Variants in EXOC4 observed in about 807,000 individuals in gnomAD.
The protein encoded by EXOC4 is SEC8-like 1.
EXOC4 carries 71 observed loss-of-function variants against 107.2 expected under a neutral mutation model. The ratio of observed to expected loss-of-function variants is 0.66; its 90% CI spans 0.55 to 0.81. EXOC4 has a LOEUF of 0.81. Among genes scored for constraint, EXOC4 ranks in the 30% least tolerant of loss-of-function variants. The pLI is 0.00. For synonymous variants in EXOC4, 456 were observed against 441.2 expected (o/e 1.03, Z -0.42); for missense variants, 1,108 against 1,189.6 (o/e 0.93, Z 1.01).
At chr7:133,551,899 T>A (rs1800596317) in intron 9 of EXOC4, 1 of 152,162 alleles carries the variant, frequency 6.6e-6, no homozygotes, top group African/African-American at 2.4e-5. Flanking sequence ...AGTGTTTCTA[T>A]CACCTCATTA....
chr7:133,470,505 C>T (rs370857251), intron 7 of EXOC4, among the ~76,000 whole-genome samples: 3 of 152,110 alleles, frequency 2.0e-5, no homozygotes, highest in South Asian at 2.1e-4. Flanking sequence ...AGCCATTCAA[C>T]GTAATAGGTC....
At chr7:133,926,938 CTTAAG>C (rs1800065323) in intron 13 of EXOC4, among the ~76,000 whole-genome samples, 1 of 151,950 alleles carries the variant, frequency 6.6e-6, no homozygotes, top group African/African-American at 2.4e-5. Flanking sequence ...GATGGTTGAT[CTTAAG>C]TTATTATTTG....
At chr7:133,896,402 ATAC>A (rs1176018543) in intron 12 of EXOC4, among the ~76,000 whole-genome samples, 1 of 152,234 alleles carries the variant, frequency 6.6e-6, no homozygotes, top group East Asian at 1.9e-4. Context: ...GTATAATAAA[ATAC>A]TAAATTATAT....
At chr7:133,847,009 A>G (rs1184591442) in intron 11 of EXOC4, among the ~76,000 whole-genome samples, 1 of 152,250 alleles carries the variant, frequency 6.6e-6, no homozygotes, top group Non-Finnish European at 1.5e-5. Context: ...AACATTCTAT[A>G]GACTTAAAAA....
chr7:133,587,132 C>T (rs746067776), intron 9 of EXOC4, among the ~76,000 whole-genome samples: 7 of 152,124 alleles, frequency 4.6e-5, no homozygotes, highest in Non-Finnish European at 8.8e-5. Context: ...CCATGCCTGG[C>T]CCTGATCCCA....
intron 12 of EXOC4, among the ~76,000 whole-genome samples, chr7:133,913,690 C>T (rs1799745488): frequency 6.6e-6 from 1 of 152,108 alleles, no homozygotes; most frequent in Non-Finnish European, 1.5e-5. Context: ...CTCATTTTAA[C>T]TTGAAATGCA....
rs184524517 is a variant in EXOC4, at chr7:133,548,252, T to C, written c.1417+68114T>C. Among the ~76,000 whole-genome samples the C allele has an allele frequency of 9.3e-4, 141 of 152,218 alleles. 1 individual carries two copies. Among genetic ancestry groups the C allele is most frequent in the African/African-American group, 3.2e-3 (132 of 41,548 alleles). Reference sequence around the variant, plus strand: ...GTCCGTTCAAATTTTGTCATGAGATTGCAGCAATTTAGTCCATCTTTCGGC... The same window carrying C: ...GTCCGTTCAAATTTTGTCATGAGATCGCAGCAATTTAGTCCATCTTTCGGC... On this transcript the variant is annotated intron_variant, in intron 9 of 17. Transcript: ENST00000253861.
chr7:133,458,243 G>A (rs1798508976), intron 7 of EXOC4, among the ~76,000 whole-genome samples: 1 of 152,168 alleles, frequency 6.6e-6, no homozygotes, highest in African/African-American at 2.4e-5. Flanking sequence ...ATTAGAGCTG[G>A]AATAAGGACC....
intron 9 of EXOC4, among the ~76,000 whole-genome samples, chr7:133,545,846 G>A (rs1800470048): frequency 6.6e-6 from 1 of 152,168 alleles, no homozygotes; most frequent in Non-Finnish European, 1.5e-5. Flanking sequence ...ACATGAGGAT[G>A]GTTGGCATGT....
chr7:133,937,055 G>C (rs550900686), intron 13 of EXOC4, among the ~76,000 whole-genome samples: 13 of 152,292 alleles, frequency 8.5e-5, no homozygotes, highest in South Asian at 4.1e-4. Context: ...TGCCACTCAT[G>C]TGTCATGTAG....
chr7:133,364,369 G>C (rs139433566), intron 6 of EXOC4, among the ~76,000 whole-genome samples: 2 of 151,184 alleles, frequency 1.3e-5, no homozygotes, highest in Middle Eastern at 3.4e-3. Flanking sequence ...TTGAACTCCC[G>C]GTCTCAAGAG....
At chr7:133,463,702 T>A (rs113966655) in intron 7 of EXOC4, among the ~76,000 whole-genome samples, 1 of 152,082 alleles carries the variant, frequency 6.6e-6, no homozygotes, top group Non-Finnish European at 1.5e-5. Context: ...ATCAAACTCA[T>A]TGAAGTGAAA....
intron 11 of EXOC4, among the ~76,000 whole-genome samples, chr7:133,859,487 G>T (rs984763440): frequency 6.6e-6 from 1 of 152,126 alleles, no homozygotes; most frequent in African/African-American, 2.4e-5. Context: ...CTGCTGCAGC[G>T]CCTGGCTTTC....
At chr7:133,439,966 C>T (rs1301985842) in intron 7 of EXOC4, among the ~76,000 whole-genome samples, 1 of 152,128 alleles carries the variant, frequency 6.6e-6, no homozygotes, top group African/African-American at 2.4e-5. Context: ...GAGCACATTG[C>T]TTATTGTGAG....
chr7:133,682,976 GT>G (rs1423785377), intron 10 of EXOC4, among the ~76,000 whole-genome samples: 3 of 152,128 alleles, frequency 2.0e-5, no homozygotes, highest in African/African-American at 7.2e-5. Context: ...AAACAAGTTG[GT>G]TTTCTGATCT....
At chr7:133,645,208 C>T (rs957454489) in intron 10 of EXOC4, among the ~76,000 whole-genome samples, 2 of 151,722 alleles carry the variant, frequency 1.3e-5, no homozygotes, top group African/African-American at 4.8e-5. Context: ...TCTCCTGCCT[C>T]AGCCTCCCAA....
intron 14 of EXOC4, among the ~76,000 whole-genome samples, chr7:133,980,876 G>T (rs967326586): frequency 4.6e-5 from 7 of 152,158 alleles, no homozygotes; most frequent in African/African-American, 1.7e-4. Context: ...AACGTATAAA[G>T]ACAGAAATAT....
intron 9 of EXOC4, among the ~76,000 whole-genome samples, chr7:133,490,009 GAAGA>G (rs1031508419): frequency 3.3e-5 from 5 of 152,158 alleles, no homozygotes; most frequent in African/African-American, 1.2e-4. Context: ...CTCTTATTGG[GAAGA>G]AAGAGGCTGT....
intron 7 of EXOC4, among the ~76,000 whole-genome samples, chr7:133,466,934 A>C (rs934438787): frequency 2.0e-5 from 3 of 152,194 alleles, no homozygotes; most frequent in Non-Finnish European, 2.9e-5. Context: ...TTATCAAAAA[A>C]GGAAACATAC....
Sources: allele counts gnomAD v4.1 joint callset (sites outside exome capture counted in the v4.1 genomes callset), GRCh38; gene constraint gnomAD v4.1.1; transcripts MANE v1.5; gene names NCBI Gene and HGNC (gene_info 2026-07-23, HGNC 2026-07-21).